The following SYCP1 variants were observed in gnomAD, a reference collection of about 807,000 sequenced individuals.
SYCP1 encodes the protein cancer/testis antigen 8.
A neutral mutation model predicts 153.1 loss-of-function variants in SYCP1; 64 were observed. That is an observed-to-expected ratio of 0.42 (90% CI 0.34 to 0.51). The LOEUF (loss-of-function observed/expected upper bound fraction) is 0.51, where lower values mean the gene tolerates loss of function less well. SYCP1 is among the 20% of genes least tolerant of loss of function. The pLI is 0.06. For missense variants in SYCP1, 997 were observed against 1,049.0 expected (o/e 0.95, Z 0.68); for synonymous variants, 384 against 341.8 (o/e 1.12, Z -1.36).
At chr1:114,949,783 A>G (rs1670971241) in intron 27 of SYCP1, among the ~76,000 whole-genome samples, 1 of 152,150 alleles carries the variant, frequency 6.6e-6, no homozygotes, top group Non-Finnish European at 1.5e-5. Flanking sequence ...ATTACAATTT[A>G]GCTATTGGCC....
chr1:114,964,080 A>G (rs1488969344), intron 27 of SYCP1, among the ~76,000 whole-genome samples: 1 of 152,148 alleles, frequency 6.6e-6, no homozygotes, highest in Non-Finnish European at 1.5e-5. Flanking sequence ...CTCGTGTGAG[A>G]TGATATCTTC....
At chr1:114,971,059 C>A (rs1672456121) in intron 27 of SYCP1, among the ~76,000 whole-genome samples, 1 of 152,170 alleles carries the variant, frequency 6.6e-6, no homozygotes, top group South Asian at 2.1e-4. Context: ...ATGGTGTTGT[C>A]TTTAAGAGAG....
intron 23 of SYCP1, among the ~76,000 whole-genome samples, chr1:114,937,465 C>T (rs1278673771): frequency 6.6e-6 from 1 of 152,112 alleles, no homozygotes; most frequent in African/African-American, 2.4e-5. Flanking sequence ...TAGGCGATAC[C>T]ATTCAGGACA....
At chr1:114,988,538 A>G (rs1438963000) in intron 30 of SYCP1, among the ~76,000 whole-genome samples, 2 of 152,032 alleles carry the variant, frequency 1.3e-5, no homozygotes, top group African/African-American at 4.8e-5. Context: ...CAAAATTATC[A>G]ACTGAGAATT....
At chr1:114,929,139 C>G (rs1669458363) in intron 23 of SYCP1, among the ~76,000 whole-genome samples, 1 of 152,088 alleles carries the variant, frequency 6.6e-6, no homozygotes, top group South Asian at 2.1e-4. Flanking sequence ...GCCCTACCTT[C>G]TAATACTATC....
At chr1:114,895,418 T>G in intron 15 of SYCP1, 30 bp from the exon 16 acceptor site, 1 of 1,400,198 alleles carries the variant, frequency 7.1e-7, no homozygotes, top group Non-Finnish European at 9.7e-7. Context: ...AATCCAGCTT[T>G]TTAACACATT....
intron 23 of SYCP1, among the ~76,000 whole-genome samples, chr1:114,928,848 C>T: frequency 6.6e-6 from 1 of 152,180 alleles, no homozygotes. Context: ...TGAAGTATAG[C>T]TGTCTTAGTT....
chr1:114,919,954 TG>T (rs557052094), intron 20 of SYCP1, among the ~76,000 whole-genome samples: 106 of 152,152 alleles, frequency 7.0e-4, no homozygotes, highest in Admixed American at 2.4e-3. Context: ...ACCAACTTTT[TG>T]TTTTGTTGAT....
At chr1:114,883,570 T>A (rs536975630) in intron 12 of SYCP1, among the ~76,000 whole-genome samples, 1 of 152,322 alleles carries the variant, frequency 6.6e-6, no homozygotes, top group East Asian at 1.9e-4. Flanking sequence ...CAAATTAAAT[T>A]TTGGCTTGGA....
chr1:114,934,956 T>C (rs1331975717), intron 23 of SYCP1, among the ~76,000 whole-genome samples: 2 of 152,164 alleles, frequency 1.3e-5, no homozygotes, highest in African/African-American at 2.4e-5. Context: ...ACAATAATAA[T>C]GGGAGACTTT....
intron 23 of SYCP1, among the ~76,000 whole-genome samples, chr1:114,928,541 T>C (rs1427200920): frequency 6.6e-6 from 1 of 152,218 alleles, no homozygotes; most frequent in East Asian, 1.9e-4. Flanking sequence ...AGATGGAAAC[T>C]GATCAATGAA....
intron 15 of SYCP1, among the ~76,000 whole-genome samples, chr1:114,892,574 T>C (rs576405251): frequency 1.4e-4 from 21 of 152,038 alleles, no homozygotes; most frequent in Non-Finnish European, 2.6e-4. Context: ...CTTGGGGTGT[T>C]TGCAAATGTG....
At chr1:114,874,379 G>C in intron 8 of SYCP1, 127 bp from the exon 9 acceptor site, 1 of 564,386 alleles carries the variant, frequency 1.8e-6, no homozygotes, top group Non-Finnish European at 3.1e-6. Context: ...TAATGATTTA[G>C]ATAACCCAAT....
chr1:114,965,001 A>G (rs1276992501), intron 27 of SYCP1, among the ~76,000 whole-genome samples: 1 of 152,102 alleles, frequency 6.6e-6, no homozygotes, highest in Non-Finnish European at 1.5e-5. Context: ...ATGAGCATGG[A>G]ATGTTTTTCC....
chr1:114,891,738 A>C (rs1400868600), intron 15 of SYCP1, among the ~76,000 whole-genome samples: 1 of 152,062 alleles, frequency 6.6e-6, no homozygotes, highest in African/African-American at 2.4e-5. Flanking sequence ...AGTAGGTTCT[A>C]TTGCTTCTGC....
intron 3 of SYCP1, 41 bp downstream of exon 3, chr1:114,856,698 C>T (rs1234397567): frequency 7.3e-7 from 1 of 1,363,362 alleles, no homozygotes; most frequent in Non-Finnish European, 1.0e-6. Flanking sequence ...TATATAGAAA[C>T]ATTGTGTTAC....
At chr1:114,986,728 G>A (rs1342383008) in intron 30 of SYCP1, among the ~76,000 whole-genome samples, 1 of 151,972 alleles carries the variant, frequency 6.6e-6, no homozygotes, top group Non-Finnish European at 1.5e-5. Context: ...TGGTGGAGTA[G>A]GAAGTGCCAG....
At chr1:114,950,451 A>G (rs1382861109) in intron 27 of SYCP1, among the ~76,000 whole-genome samples, 1 of 152,162 alleles carries the variant, frequency 6.6e-6, no homozygotes, top group East Asian at 1.9e-4. Flanking sequence ...TTTATATTTT[A>G]TAAAATATTA....
At chr1:114,932,858 G>A (rs556289272) in intron 23 of SYCP1, among the ~76,000 whole-genome samples, 1 of 152,208 alleles carries the variant, frequency 6.6e-6, no homozygotes, top group African/African-American at 2.4e-5. Context: ...TGGGGGAGGG[G>A]CATCTGCCAT....
Sources: gnomAD v4.1 joint callset for allele counts (sites outside exome capture counted in the v4.1 genomes callset) on GRCh38, gnomAD v4.1.1 for gene constraint, MANE v1.5 for transcripts, NCBI Gene and HGNC (gene_info 2026-07-23, HGNC 2026-07-21) for gene names.